HDAC9: variants seen among roughly 807,000 people sequenced by gnomAD.
The protein encoded by HDAC9 is MEF-2 interacting transcription repressor (MITR) protein.
Under a neutral mutation model 139.4 loss-of-function variants are expected in HDAC9, and 41 were observed. The observed-to-expected ratio is 0.29, with a 90% CI of 0.23 to 0.38. HDAC9 has a LOEUF of 0.38. Among genes scored for constraint, HDAC9 ranks in the 10% least tolerant of loss-of-function variants. HDAC9 has a pLI of 1.00. For missense variants in HDAC9, 1,147 were observed against 1,297.0 expected (o/e 0.88, Z 1.78); for synonymous variants, 517 against 476.2 (o/e 1.09, Z -1.12).
intron 2 of HDAC9, among the ~76,000 whole-genome samples, chr7:18,579,553 A>G (rs1194675349): frequency 1.3e-5 from 2 of 152,184 alleles, no homozygotes; most frequent in African/African-American, 2.4e-5. Flanking sequence ...CAAATCCAGA[A>G]TTTTTAGTTC....
At chr7:18,553,198 A>G (rs113897937) in intron 2 of HDAC9, among the ~76,000 whole-genome samples, 2 of 151,982 alleles carry the variant, frequency 1.3e-5, no homozygotes, top group African/African-American at 4.8e-5. Context: ...TCATCCTCTG[A>G]TACACCCTCA....
At chr7:18,980,715 C>CTCTTCTTCTACCT (rs1784862456) in intron 25 of HDAC9, among the ~76,000 whole-genome samples, 1 of 133,466 alleles carries the variant, frequency 7.5e-6, no homozygotes, top group Non-Finnish European at 1.6e-5. Flanking sequence ...TTCCTTCTTC[C>CTCTTCTTCTACCT]TCTTCTTCTT....
chr7:18,592,168 G>A (rs921826390), intron 5 of HDAC9, among the ~76,000 whole-genome samples: 2 of 151,912 alleles, frequency 1.3e-5, no homozygotes, highest in Admixed American at 6.6e-5. Flanking sequence ...GGAAGATAAG[G>A]GAGGGTAGGG....
intron 16 of HDAC9, among the ~76,000 whole-genome samples, chr7:18,767,903 C>T (rs188724457): frequency 2.2e-4 from 34 of 152,268 alleles, no homozygotes; most frequent in Non-Finnish European, 4.3e-4. Context: ...ATTAAATTGA[C>T]TCGATCTTGA....
At chr7:18,940,775 C>T (rs189490838) in intron 23 of HDAC9, among the ~76,000 whole-genome samples, 1 of 152,202 alleles carries the variant, frequency 6.6e-6, no homozygotes, top group East Asian at 1.9e-4. Context: ...ATTAGTGGCA[C>T]CCCGGGTTAC....
chr7:18,229,080 C>T (rs1562771194), intron 2 of HDAC9, among the ~76,000 whole-genome samples: 1 of 152,080 alleles, frequency 6.6e-6, no homozygotes, highest in African/African-American at 2.4e-5. Context: ...GGGGCCTATG[C>T]AAGGAAAGGG....
intron 2 of HDAC9, among the ~76,000 whole-genome samples, chr7:18,517,018 A>C (rs371008224): frequency 9.9e-5 from 15 of 152,128 alleles, no homozygotes; most frequent in East Asian, 9.6e-4. Context: ...CAACAACAAC[A>C]ACCACCACCA....
chr7:18,091,064 G>A (rs1450701605), intron 1 of HDAC9, among the ~76,000 whole-genome samples: 1 of 152,146 alleles, frequency 6.6e-6, no homozygotes, highest in Admixed American at 6.5e-5. Context: ...GTAGATAATG[G>A]TAATATGTAA....
chr7:18,214,377 C>G (rs1237388338), intron 2 of HDAC9, among the ~76,000 whole-genome samples: 1 of 152,054 alleles, frequency 6.6e-6, no homozygotes, highest in Non-Finnish European at 1.5e-5. Context: ...TAAATGCATG[C>G]CTCTGGCCAT....
chr7:18,826,120 G>C (rs1795414179), intron 17 of HDAC9, among the ~76,000 whole-genome samples: 1 of 152,100 alleles, frequency 6.6e-6, no homozygotes, highest in South Asian at 2.1e-4. Flanking sequence ...AGAGAATAAA[G>C]GAACCCAGAT....
At chr7:18,610,091 C>T (rs1026364452) in intron 6 of HDAC9, among the ~76,000 whole-genome samples, 1 of 152,154 alleles carries the variant, frequency 6.6e-6, no homozygotes, top group Admixed American at 6.5e-5. Context: ...GCTATAAAGA[C>T]ACACGCACAC....
chr7:18,584,418 G>A (rs777470302), intron 2 of HDAC9, among the ~76,000 whole-genome samples: 1 of 151,876 alleles, frequency 6.6e-6, no homozygotes, highest in Non-Finnish European at 1.5e-5. Flanking sequence ...GTGAGCCACC[G>A]CGCCGGGCCC....
intron 2 of HDAC9, among the ~76,000 whole-genome samples, chr7:18,534,673 G>T (rs1336946306): frequency 6.6e-6 from 1 of 152,188 alleles, no homozygotes; most frequent in African/African-American, 2.4e-5. Flanking sequence ...AAGGCAACGT[G>T]CTTGTTTGCC....
chr7:18,459,985 C>A (rs1051475250), intron 1 of HDAC9, among the ~76,000 whole-genome samples: 13 of 151,038 alleles, frequency 8.6e-5, no homozygotes, highest in African/African-American at 2.9e-4. Flanking sequence ...TGCTCATCAC[C>A]CATGGCTCAC....
intron 17 of HDAC9, among the ~76,000 whole-genome samples, chr7:18,819,739 A>G (rs1478818211): frequency 1.3e-5 from 2 of 152,252 alleles, no homozygotes; most frequent in African/African-American, 2.4e-5. Context: ...TTTTGGTGAC[A>G]TTAAAATACT....
At chr7:18,268,197 C>T (rs1016168255) in intron 2 of HDAC9, among the ~76,000 whole-genome samples, 1 of 152,052 alleles carries the variant, frequency 6.6e-6, no homozygotes, top group Non-Finnish European at 1.5e-5. Context: ...TTATAAAATT[C>T]ATCTAACATA....
chr7:18,557,705 T>G (rs955146083), intron 2 of HDAC9, among the ~76,000 whole-genome samples: 1 of 148,134 alleles, frequency 6.8e-6, no homozygotes, highest in Admixed American at 6.7e-5. Flanking sequence ...ATATTTTATA[T>G]TGTAAAATAT....
chr7:18,281,016 A>C lies in HDAC9; in HGVS notation c.25+118667A>C, dbSNP rs565130949. Among the ~76,000 whole-genome samples, 7 of 152,318 alleles carry C rather than the reference A, an allele frequency of 4.6e-5. No individual in the cohort carries two copies. In the East Asian group the frequency reaches 1.4e-3, roughly 29 times the overall value. ...TGAAAACAGAGATAGTATCCATTCC[A>C]GGCCTCTGTTTTATTTTGCTCTTCC... On this transcript the variant is annotated intron_variant, in intron 2 of 12. Coordinates refer to the HDAC9 transcript ENST00000417496.
At chr7:18,431,298 C>G (rs1331997659) in intron 1 of HDAC9, among the ~76,000 whole-genome samples, 1 of 152,168 alleles carries the variant, frequency 6.6e-6, no homozygotes, top group East Asian at 1.9e-4. Context: ...TCTTTTACTT[C>G]TATCAGGGCC....
Sources: allele counts gnomAD v4.1 joint callset (sites outside exome capture counted in the v4.1 genomes callset), GRCh38; gene constraint gnomAD v4.1.1; transcripts MANE v1.5; gene names NCBI Gene and HGNC (gene_info 2026-07-23, HGNC 2026-07-21).